PLXDC1: variants seen among roughly 807,000 people sequenced by gnomAD.
PLXDC1 encodes plexin domain-containing protein 1.
PLXDC1 carries 39 observed loss-of-function variants against 61.3 expected under a neutral mutation model. The ratio of observed to expected loss-of-function variants is 0.64; its 90% CI spans 0.49 to 0.83. The LOEUF is 0.83. Ranked by LOEUF, PLXDC1 falls within the 40% of genes least tolerant of loss-of-function variation. The pLI is 0.00. For synonymous variants in PLXDC1, 212 were observed against 254.5 expected, an observed-to-expected ratio of 0.83 and a Z score of 1.59; for missense variants, 596 against 666.5, an observed-to-expected ratio of 0.89 and a Z score of 1.17.
chr17:39,072,511 C>G, intron 11 of PLXDC1, 26 bp from the exon 12 acceptor site: 1 of 1,433,328 alleles, frequency 7.0e-7, no homozygotes, highest in South Asian at 1.2e-5. Flanking sequence ...ACAGAAGGAG[C>G]AAGATTAGTG....
At chr17:39,112,421 G>A (rs1243687573) in intron 2 of PLXDC1, among the ~76,000 whole-genome samples, 3 of 147,206 alleles carry the variant, frequency 2.0e-5, no homozygotes, top group South Asian at 2.2e-4. Flanking sequence ...AGGAAACCAA[G>A]TTTAGATGCT....
intron 8 of PLXDC1, among the ~76,000 whole-genome samples, chr17:39,086,244 G>A (rs528482699): frequency 2.0e-4 from 30 of 152,258 alleles, no homozygotes; most frequent in East Asian, 7.7e-4. Context: ...CTTCTGCCCC[G>A]ATGGAGAGTG....
intron 2 of PLXDC1, chr17:39,111,846 GC>G (rs1910813597): frequency 6.6e-6 from 1 of 152,362 alleles, no homozygotes; most frequent in Non-Finnish European, 1.5e-5. Flanking sequence ...ACAGCCACCA[GC>G]CCTGGAGTCT....
intron 1 of PLXDC1, among the ~76,000 whole-genome samples, chr17:39,146,948 A>ATTTTT (rs869300584): frequency 2.3e-4 from 17 of 74,698 alleles, no homozygotes; most frequent in East Asian, 4.3e-4. Flanking sequence ...ACAGGAAATG[A>ATTTTT]TTTTTTTTTT....
At chr17:39,149,613 T>G (rs1364375123) in intron 1 of PLXDC1, among the ~76,000 whole-genome samples, 1 of 152,190 alleles carries the variant, frequency 6.6e-6, no homozygotes, top group Non-Finnish European at 1.5e-5. Flanking sequence ...TAGCCTCTAC[T>G]TAGAGAAGTG....
intron 2 of PLXDC1, among the ~76,000 whole-genome samples, chr17:39,134,955 G>A (rs1359399636): frequency 2.0e-5 from 3 of 152,164 alleles, no homozygotes; most frequent in Non-Finnish European, 2.9e-5. Flanking sequence ...GCCACTTTAT[G>A]CGCCTGACTC....
chr17:39,093,720 T>A (rs1030378357), intron 7 of PLXDC1, among the ~76,000 whole-genome samples: 46 of 16,346 alleles, frequency 2.8e-3, no homozygotes, highest in Non-Finnish European at 4.2e-3. Context: ...CGTCTTAAAA[T>A]ATATATATAT....
intron 7 of PLXDC1, among the ~76,000 whole-genome samples, chr17:39,093,143 C>T (rs1910017795): frequency 6.6e-6 from 1 of 152,224 alleles, no homozygotes; most frequent in African/African-American, 2.4e-5. Context: ...TCACGGCTCA[C>T]TGCAGCCTTG....
intron 7 of PLXDC1, among the ~76,000 whole-genome samples, chr17:39,092,556 C>T (rs1398528323): frequency 1.3e-5 from 2 of 152,226 alleles, no homozygotes; most frequent in Non-Finnish European, 2.9e-5. Flanking sequence ...TAGCTCGCAG[C>T]CTTGCAGGTT....
chr17:39,070,079 G>T, intron 12 of PLXDC1, 63 bp from the exon 13 acceptor site: 1 of 1,303,248 alleles, frequency 7.7e-7, no homozygotes, highest in Non-Finnish European at 1.1e-6. Flanking sequence ...GAACCATGGG[G>T]TCTTGGGTTC....
intron 2 of PLXDC1, among the ~76,000 whole-genome samples, chr17:39,137,146 A>C (rs1597659917): frequency 1.3e-5 from 2 of 152,360 alleles, no homozygotes; most frequent in African/African-American, 4.8e-5. Flanking sequence ...GAGCTTCCAG[A>C]AGTCAGGGGA....
At chr17:39,103,547 A>G (rs1910495857) in intron 7 of PLXDC1, among the ~76,000 whole-genome samples, 1 of 151,954 alleles carries the variant, frequency 6.6e-6, no homozygotes, top group Admixed American at 6.6e-5. Context: ...TAATAATAAT[A>G]ATGAATAGTA....
intron 2 of PLXDC1, among the ~76,000 whole-genome samples, chr17:39,128,107 A>ATATATATATATATATATATATATATG (rs1291982693): frequency 3.8e-4 from 38 of 100,614 alleles, no homozygotes; most frequent in East Asian, 1.8e-3. Flanking sequence ...GTATATATAT[A>ATATATATATATATATATATATATATG]TATATATGTA....
At chr17:39,069,714 G>A (rs920511888) in intron 13 of PLXDC1, 142 bp downstream of exon 13, 6 of 660,670 alleles carry the variant, frequency 9.1e-6, no homozygotes, top group African/African-American at 3.6e-5. Flanking sequence ...CAGCCATCTC[G>A]AAATGTGCCA....
At chr17:39,084,805 G>A (rs1336652588) in intron 8 of PLXDC1, among the ~76,000 whole-genome samples, 1 of 152,240 alleles carries the variant, frequency 6.6e-6, no homozygotes, top group Non-Finnish European at 1.5e-5. Context: ...GCACAGGCCA[G>A]GCACAGGAGC....
Position 39,139,635 on chromosome 17 carries a change from A to G in PLXDC1, c.255+19T>C. 2 of 1,302,500 alleles carry G rather than the reference A, an allele frequency of 1.5e-6. No homozygotes were observed. Among genetic ancestry groups the G allele is most frequent in the Non-Finnish European group, 1.0e-6 (1 of 975,010 alleles). The allele number at this position is 1,302,500 out of a possible 1,614,324, so 80.7% of individuals were successfully genotyped here. ...CCCACCCCCACTTCGCTCCCCCTCC[A>G]TGTTCCTCCAGCACTCACCACCACC... On this transcript the variant is annotated intron_variant, in intron 2 of 13. Transcript: ENST00000315392.
intron 2 of PLXDC1, 69 bp from the exon 3 acceptor site, chr17:39,109,460 CT>C: frequency 6.6e-7 from 1 of 1,516,708 alleles, no homozygotes; most frequent in Non-Finnish European, 8.9e-7. Flanking sequence ...ACTCTCCGCC[CT>C]TCCCCACTCA....
intron 2 of PLXDC1, among the ~76,000 whole-genome samples, chr17:39,128,968 C>G (rs1911444769): frequency 6.6e-6 from 1 of 150,904 alleles, no homozygotes; most frequent in Non-Finnish European, 1.5e-5. Flanking sequence ...CGAGATTGTG[C>G]CACTGCACTC....
At chr17:39,088,274 T>C (rs1259703912) in intron 7 of PLXDC1, among the ~76,000 whole-genome samples, 1 of 152,230 alleles carries the variant, frequency 6.6e-6, no homozygotes, top group Non-Finnish European at 1.5e-5. Flanking sequence ...TGCATGTTGC[T>C]GTCCACCATC....
Sources: allele counts gnomAD v4.1 joint callset (sites outside exome capture counted in the v4.1 genomes callset), GRCh38; gene constraint gnomAD v4.1.1; transcripts MANE v1.5; gene names NCBI Gene and HGNC (gene_info 2026-07-23, HGNC 2026-07-21).